GABBR2: variants seen among roughly 807,000 people sequenced by gnomAD.
GABBR2 encodes the protein gamma-aminobutyric acid type B receptor subunit 2, also known as G-protein coupled receptor 51.
In GABBR2, 23 loss-of-function variants were observed where a neutral mutation model predicts 105.6. That is an observed-to-expected ratio of 0.22 (90% confidence interval 0.16 to 0.31). The LOEUF (loss-of-function observed/expected upper bound fraction) is 0.31. Ranked by LOEUF, GABBR2 falls within the 10% of genes least tolerant of loss-of-function variation. GABBR2 has a pLI of 1.00. For synonymous variants in GABBR2, 478 were observed against 499.7 expected (o/e 0.96, Z 0.58); for missense variants, 734 against 1,245.5 (o/e 0.59, Z 6.18).
At chr9:98,540,501 G>T (rs1163918896) in intron 3 of GABBR2, among the ~76,000 whole-genome samples, 2 of 152,210 alleles carry the variant, frequency 1.3e-5, no homozygotes. Context: ...CAGGGGGCAA[G>T]AACCTCAGAA....
At chr9:98,430,018 G>A (rs906309846) in intron 7 of GABBR2, among the ~76,000 whole-genome samples, 3 of 152,182 alleles carry the variant, frequency 2.0e-5, no homozygotes, top group Non-Finnish European at 4.4e-5. Flanking sequence ...TGGGCGTGGT[G>A]GCTCATGCCT....
intron 4 of GABBR2, among the ~76,000 whole-genome samples, chr9:98,487,529 C>T (rs1358136061): frequency 1.3e-5 from 2 of 152,076 alleles, no homozygotes; most frequent in East Asian, 3.9e-4. Flanking sequence ...AATCCCAGCA[C>T]ATTAGGAGGC....
intron 1 of GABBR2, among the ~76,000 whole-genome samples, chr9:98,611,000 C>T (rs1460053803): frequency 2.0e-5 from 3 of 152,040 alleles, no homozygotes; most frequent in Non-Finnish European, 4.4e-5. Context: ...CAAACAAAAA[C>T]GAACAAACAA....
intron 13 of GABBR2, among the ~76,000 whole-genome samples, chr9:98,359,957 G>A (rs534153923): frequency 6.6e-6 from 1 of 152,328 alleles, no homozygotes; most frequent in Non-Finnish European, 1.5e-5. Flanking sequence ...AGGTAACACT[G>A]GTGCTGAAAC....
intron 7 of GABBR2, among the ~76,000 whole-genome samples, chr9:98,440,595 G>C (rs1359380743): frequency 6.6e-6 from 1 of 152,166 alleles, no homozygotes; most frequent in Non-Finnish European, 1.5e-5. Context: ...ATTCTAGGAA[G>C]CCTGAATCCC....
chr9:98,399,950 G>A (rs1015406718), intron 8 of GABBR2, among the ~76,000 whole-genome samples: 4 of 151,472 alleles, frequency 2.6e-5, no homozygotes, highest in African/African-American at 7.3e-5. Context: ...GAGACAGCAG[G>A]AGGATCGCTT....
intron 2 of GABBR2, among the ~76,000 whole-genome samples, chr9:98,562,225 G>A (rs756734478): frequency 2.0e-5 from 3 of 152,228 alleles, no homozygotes; most frequent in South Asian, 2.1e-4. Context: ...ATCTAATCAT[G>A]AGGAAACAAA....
intron 12 of GABBR2, among the ~76,000 whole-genome samples, chr9:98,370,657 T>C (rs1831762524): frequency 1.3e-5 from 2 of 152,174 alleles, no homozygotes; most frequent in African/African-American, 4.8e-5. Context: ...AATATAACAA[T>C]AGACTCTACA....
At chr9:98,550,063 C>T (rs1671994316) in intron 2 of GABBR2, among the ~76,000 whole-genome samples, 2 of 152,212 alleles carry the variant, frequency 1.3e-5, no homozygotes, top group Admixed American at 1.3e-4. Context: ...CCTGGAGCGT[C>T]AAGATAGTCC....
chr9:98,625,903 G>T (rs768372216), intron 1 of GABBR2, among the ~76,000 whole-genome samples: 13 of 152,182 alleles, frequency 8.5e-5, no homozygotes, highest in Non-Finnish European at 1.8e-4. Flanking sequence ...CACACAATAT[G>T]TAGTGATCTG....
At chr9:98,510,107 A>G (rs369976385) in intron 3 of GABBR2, among the ~76,000 whole-genome samples, 5 of 152,200 alleles carry the variant, frequency 3.3e-5, no homozygotes, top group Non-Finnish European at 7.3e-5. Flanking sequence ...GAGAGTGGGG[A>G]CCAATATTCA....
At chr9:98,480,090 C>T (rs1826883459) in intron 5 of GABBR2, among the ~76,000 whole-genome samples, 1 of 152,156 alleles carries the variant, frequency 6.6e-6, no homozygotes, top group South Asian at 2.1e-4. Flanking sequence ...GATCAGAGAT[C>T]TGCGGCCCGT....
intron 3 of GABBR2, among the ~76,000 whole-genome samples, chr9:98,536,082 G>T (rs1362486843): frequency 6.6e-6 from 1 of 152,154 alleles, no homozygotes; most frequent in African/African-American, 2.4e-5. Context: ...TGTGGGGGCA[G>T]GGAGCGTATG....
rs891611969 is a variant in GABBR2, at chr9:98,388,656, T to C, written c.1529+198A>G. Among the ~76,000 whole-genome samples, 11 of 145,410 alleles carry C rather than the reference T, an allele frequency of 7.6e-5. No homozygotes were observed. Among genetic ancestry groups the C allele is most frequent in the Admixed American group, 4.0e-4 (6 of 14,932 alleles). On this transcript the variant is annotated intron_variant, in intron 10 of 18. Transcript: ENST00000259455. This position sits in a 1 kb window ranked among gnomAD's most constrained non-coding sequence, Gnocchi z 4.4. ...GTGTGTGTGTGTGTGTGTGTGTGTG[T>C]GTGTGCGTGCACGCACACACACGTA... is the stretch of plus-strand genomic sequence containing the variant.
rs376812910 is a variant in GABBR2, at chr9:98,463,736, G to A, written c.999+9410C>T. 1.1e-4 allele frequency among the ~76,000 whole-genome samples: 16 copies of A among 151,982 alleles called. No homozygotes were observed. In the East Asian group the frequency reaches 1.6e-3, roughly 15 times the overall value. ...CTGCAACCTCCCTGCCTCGGGCTCC[G>A]GTGATTCTCCTGCCTCGGCCTGCCT... On this transcript the variant is annotated intron_variant, in intron 6 of 18. Coordinates refer to ENST00000259455, the MANE Select transcript of GABBR2 (RefSeq NM_005458.8).
intron 13 of GABBR2, among the ~76,000 whole-genome samples, chr9:98,350,671 T>C (rs1256427408): frequency 6.6e-6 from 1 of 152,244 alleles, no homozygotes; most frequent in African/African-American, 2.4e-5. Context: ...TGGTCTGTCC[T>C]GGAGAATGTT....
intron 3 of GABBR2, among the ~76,000 whole-genome samples, chr9:98,535,231 G>C (rs1828150712): frequency 6.6e-6 from 1 of 152,048 alleles, no homozygotes; most frequent in Non-Finnish European, 1.5e-5. Flanking sequence ...CCAAGTAGCT[G>C]GAATTACAGG....
At chr9:98,540,648 G>A (rs77897477) in intron 3 of GABBR2, among the ~76,000 whole-genome samples, 6,434 of 152,228 alleles carry the variant, frequency 0.042, 240 homozygotes, top group East Asian at 0.16. Context: ...CCACCGCTCC[G>A]GCTGAGGTCT....
intron 10 of GABBR2, among the ~76,000 whole-genome samples, chr9:98,387,753 T>C (rs1412542098): frequency 6.6e-6 from 1 of 151,810 alleles, no homozygotes; most frequent in Non-Finnish European, 1.5e-5. Context: ...ATAGTGAGAC[T>C]GTCTCTTAAA....
Sources: gnomAD v4.1 joint callset for allele counts (sites outside exome capture counted in the v4.1 genomes callset) on GRCh38, gnomAD v4.1.1 for gene constraint, Gnocchi (gnomAD v3.1) non-coding constraint, MANE v1.5 for transcripts, NCBI Gene and HGNC (gene_info 2026-07-23, HGNC 2026-07-21) for gene names.